ESF1: variants seen among roughly 807,000 people sequenced by gnomAD.
The protein encoded by ESF1 is ESF1 nucleolar pre-rRNA processing protein.
Under a neutral mutation model 92.0 loss-of-function variants are expected in ESF1, and 58 were observed. The ratio of observed to expected loss-of-function variants is 0.63; its 90% CI spans 0.51 to 0.78. ESF1 has a LOEUF of 0.78. Among genes scored for constraint, ESF1 ranks in the 30% least tolerant of loss-of-function variants. The pLI is 0.00. For synonymous variants in ESF1, 321 were observed against 313.7 expected (o/e 1.02, Z -0.24); for missense variants, 922 against 989.1 (o/e 0.93, Z 0.91).
intron 9 of ESF1, among the ~76,000 whole-genome samples, chr20:13,746,618 G>C (rs2050050942): frequency 6.6e-6 from 1 of 152,116 alleles, no homozygotes; most frequent in Non-Finnish European, 1.5e-5. Context: ...GACATTCAAG[G>C]GTGCCTAATC....
intron 1 of ESF1, among the ~76,000 whole-genome samples, chr20:13,784,401 T>C (rs956325146): frequency 6.6e-6 from 1 of 152,008 alleles, no homozygotes; most frequent in Non-Finnish European, 1.5e-5. Flanking sequence ...CATTTTTCGA[T>C]GTATTACAGC....
intron 1 of ESF1, among the ~76,000 whole-genome samples, chr20:13,783,805 C>T (rs1980421240): frequency 6.6e-6 from 1 of 152,150 alleles, no homozygotes; most frequent in African/African-American, 2.4e-5. Flanking sequence ...CAGAGTGAGA[C>T]CCTGTCTACC....
chr20:13,767,033 T>C lies in ESF1; in HGVS notation c.1519-109A>G, dbSNP rs1191746550. 7.0e-6 allele frequency: 7 copies of C among 1,003,744 alleles called. No individual in the cohort carries two copies. The African/African-American group carries it at 1.1e-4, about 16-fold the overall frequency. 62.2% of individuals were successfully genotyped at this position (1,003,744 alleles called of 1,614,324 possible). On this transcript the variant is annotated intron_variant, in intron 7 of 13. Coordinates refer to ENST00000617257, the MANE Select transcript of ESF1 (RefSeq NM_001276380.2). The stretch of plus-strand genomic sequence containing the variant: ...GGATGTTTAACAGTAAGTTAAAAGT[T>C]AAGACACATTAAAACAAATACATGA...
intron 1 of ESF1, among the ~76,000 whole-genome samples, chr20:13,783,513 G>A (rs375698044): frequency 9.8e-5 from 15 of 152,306 alleles, no homozygotes; most frequent in African/African-American, 3.6e-4. Context: ...ACCAGTATGT[G>A]TTACTAATTG....
At chr20:13,778,781 T>G (rs537610286) in intron 2 of ESF1, among the ~76,000 whole-genome samples, 1 of 152,324 alleles carries the variant, frequency 6.6e-6, no homozygotes, top group African/African-American at 2.4e-5. Flanking sequence ...GCACAGCTGC[T>G]CACGCCTGTA....
intron 9 of ESF1, among the ~76,000 whole-genome samples, chr20:13,742,799 T>C (rs2050023892): frequency 6.6e-6 from 1 of 152,156 alleles, no homozygotes; most frequent in Non-Finnish European, 1.5e-5. Context: ...TTAACAAAGT[T>C]AACAACTTTA....
chr20:13,725,746 G>A (rs2049897038), intron 11 of ESF1, among the ~76,000 whole-genome samples: 1 of 152,156 alleles, frequency 6.6e-6, no homozygotes, highest in African/African-American at 2.4e-5. Context: ...GCCATGGTTT[G>A]AAGTACTATT....
chr20:13,749,073 TA>T (rs1209651352), intron 9 of ESF1, among the ~76,000 whole-genome samples: 3 of 151,318 alleles, frequency 2.0e-5, no homozygotes, highest in African/African-American at 7.3e-5. Context: ...CAATTATTAT[TA>T]TTTTTTTTTG....
chr20:13,766,641 A>T (rs542536584), intron 8 of ESF1, 136 bp downstream of exon 8: 222 of 779,678 alleles, frequency 2.8e-4, no homozygotes, highest in African/African-American at 2.6e-3. Flanking sequence ...ATTTTTTTTT[A>T]AAAAAATCAA....
At chr20:13,769,136 C>T (rs1186798705) in intron 7 of ESF1, among the ~76,000 whole-genome samples, 1 of 152,020 alleles carries the variant, frequency 6.6e-6, no homozygotes, top group Admixed American at 6.6e-5. Flanking sequence ...ATTCATTATC[C>T]ACTTCCCCTT....
chr20:13,783,145 A>C lies in ESF1; in HGVS notation c.-5T>G. On this transcript the variant is annotated 5_prime_UTR_variant, in exon 2 of 14. In the 5' UTR this introduces an upstream ATG that the reference lacks. Coordinates refer to ENST00000617257, the MANE Select transcript of ESF1 (RefSeq NM_001276380.2). The stretch of plus-strand genomic sequence containing the variant: ...TATTTCTTGTTTGGATGACATTTTT[A>C]ATTCTTAATCTCGACCAAATGCTTG... 1 of 1,592,670 alleles carries C rather than the reference A, an allele frequency of 6.3e-7. No homozygotes were observed. The highest frequency in any genetic ancestry group is 8.6e-7 in the Non-Finnish European group (1 of 1,166,568).
intron 4 of ESF1, among the ~76,000 whole-genome samples, chr20:13,773,480 AT>A (rs201786383): frequency 2.6e-5 from 4 of 151,228 alleles, no homozygotes; most frequent in African/African-American, 7.3e-5. Flanking sequence ...TTGACTTTTA[AT>A]TTTTTTTTCC....
chr20:13,756,287 A>G (rs1256678526), intron 9 of ESF1, among the ~76,000 whole-genome samples: 1 of 152,240 alleles, frequency 6.6e-6, no homozygotes, highest in Non-Finnish European at 1.5e-5. Flanking sequence ...GCATGTACAT[A>G]AGGATTCACA....
chr20:13,749,274 C>CG (rs1978508747), intron 9 of ESF1, among the ~76,000 whole-genome samples: 3 of 86,616 alleles, frequency 3.5e-5, no homozygotes, highest in Non-Finnish European at 6.8e-5. Context: ...TTTGTAGCAA[C>CG]AGGGTTTCAC....
chr20:13,763,021 C>T (rs887005635), intron 8 of ESF1: 4 of 209,104 alleles, frequency 1.9e-5, no homozygotes, highest in South Asian at 5.9e-5. Flanking sequence ...CCACTACGCC[C>T]GGCTAATTTT....
chr20:13,767,043 T>A, intron 7 of ESF1, 119 bp from the exon 8 acceptor site: 1 of 860,612 alleles, frequency 1.2e-6, no homozygotes, highest in Non-Finnish European at 1.8e-6. Flanking sequence ...TAAGACACAT[T>A]AAAACAAATA....
intron 9 of ESF1, among the ~76,000 whole-genome samples, chr20:13,756,750 T>C (rs1978916047): frequency 6.6e-6 from 1 of 151,432 alleles, no homozygotes. Context: ...CGTAACTAAC[T>C]AGTGAGTTAA....
chr20:13,714,920 G>T lies in ESF1; in HGVS notation c.2510C>A (p.Thr837Asn), dbSNP rs768803000. The change falls in exon 14 of 14, where the codon ACC (threonine) becomes AAC (asparagine). Residue 837 changes from threonine (T) to asparagine (N), a missense_variant. By Grantham distance (65) the Thr-to-Asn change is moderately conservative (BLOSUM62 0). Transcript: ENST00000617257. ...ALSMLIKSIK[T>N]KTEQFQARKK... is the part of the protein sequence containing the mutation. ...TCTTGCTTGAAACTGCTCTGTTTTGGTTTTTATAGATTTAATCAACATTGA... is the reference window on the plus strand; with the variant it reads ...TCTTGCTTGAAACTGCTCTGTTTTGTTTTTTATAGATTTAATCAACATTGA... 1.2e-6 allele frequency: 2 copies of T among 1,612,516 alleles called. No individual in the cohort carries two copies. Among genetic ancestry groups the T allele is most frequent in the East Asian group, 2.2e-5 (1 of 44,862 alleles).
At chr20:13,735,868 G>C (rs1457283193) in intron 9 of ESF1, among the ~76,000 whole-genome samples, 2 of 152,116 alleles carry the variant, frequency 1.3e-5, no homozygotes, top group Non-Finnish European at 2.9e-5. Flanking sequence ...TAGGTGACTA[G>C]AGGACTGGGT....
Sources: gnomAD v4.1 joint callset for allele counts (sites outside exome capture counted in the v4.1 genomes callset) on GRCh38, gnomAD v4.1.1 for gene constraint, MANE v1.5 for transcripts, NCBI Gene and HGNC (gene_info 2026-07-23, HGNC 2026-07-21) for gene names.